The following PABIR3 variants were observed in gnomAD, a reference collection of about 807,000 sequenced individuals.
PABIR3 encodes the protein PABIR family member 3, also known as PABIR family member 1.
PABIR3 carries 20 observed loss-of-function variants against 23.1 expected under a neutral mutation model. That is an observed-to-expected ratio of 0.86 (90% CI 0.61 to 1.26). The LOEUF is 1.26. Among genes scored for constraint, PABIR3 ranks in the 50% most tolerant of loss-of-function variants. The pLI is 0.00. For missense variants in PABIR3, 189 were observed against 195.4 expected (o/e 0.97, Z 0.20); for synonymous variants, 69 against 68.5 (o/e 1.01, Z -0.04).
At chrX:134,858,297 G>A (rs1171863079), downstream of PABIR3, among the ~76,000 whole-genome samples, 4 of 111,656 alleles carry the variant, frequency 3.6e-5, no homozygotes, top group Admixed American at 2.9e-4. Context: ...AAGGGGGGAC[G>A]AGTGTAGAGT....
upstream of PABIR3, among the ~76,000 whole-genome samples, chrX:134,803,225 G>A (rs2080110607): frequency 8.9e-6 from 1 of 111,986 alleles, no homozygotes; most frequent in South Asian, 3.7e-4. Flanking sequence ...GAGCTGGAGG[G>A]GGCTGCATGT....
intron 4 of PABIR3, among the ~76,000 whole-genome samples, chrX:134,838,217 T>A (rs1206800991): frequency 8.9e-6 from 1 of 112,227 alleles, no homozygotes; most frequent in East Asian, 2.8e-4. Flanking sequence ...CACTGCTGCT[T>A]CCTTCTTCTG....
At chrX:134,851,311 G>A (rs912860478) in intron 9 of PABIR3, among the ~76,000 whole-genome samples, 13 of 110,982 alleles carry the variant, frequency 1.2e-4, no homozygotes, top group Admixed American at 7.7e-4. Flanking sequence ...CGAGGCGGGC[G>A]GATGACTTGA....
intron 3 of PABIR3, among the ~76,000 whole-genome samples, chrX:134,820,320 T>C (rs1334569462): frequency 8.9e-6 from 1 of 112,194 alleles, no homozygotes; most frequent in Non-Finnish European, 1.9e-5. Context: ...GATATTATAT[T>C]ACAAAATAGA....
chrX:134,854,404 C>A lies in PABIR3; in HGVS notation c.*187C>A. ...ATCTACAGAACTTGCGTGTATAATT[C>A]TTGTGTACATCCTTAAATTTAATGT... On this transcript the variant is annotated 3_prime_UTR_variant, in exon 11 of 11. Coordinates refer to ENST00000645433, the MANE Select transcript of PABIR3 (RefSeq NM_001388447.1). 1 of 390,877 alleles carries A rather than the reference C, an allele frequency of 2.6e-6. No homozygotes were observed. Among genetic ancestry groups the A allele is most frequent in the Non-Finnish European group, 4.0e-6 (1 of 247,305 alleles). The allele number at this position is 390,877 out of a possible 1,213,427, so 32.2% of individuals were successfully genotyped here.
At chrX:134,832,004 G>A (rs538786823) in intron 4 of PABIR3, among the ~76,000 whole-genome samples, 5 of 111,434 alleles carry the variant, frequency 4.5e-5, no homozygotes, top group African/African-American at 1.3e-4. Flanking sequence ...GAGGCTGGGC[G>A]CAGTGGCTCA....
chrX:134,807,828 C>T, intron 2 of PABIR3, 120 bp downstream of exon 2: 1 of 783,169 alleles, frequency 1.3e-6, no homozygotes, highest in South Asian at 3.5e-5. Context: ...CTCCCTTGTT[C>T]CTGGTGTCCG....
chrX:134,830,761 T>C (rs963829831), intron 4 of PABIR3, among the ~76,000 whole-genome samples: 4 of 111,814 alleles, frequency 3.6e-5, no homozygotes, highest in African/African-American at 1.3e-4. Context: ...CTGTGCAATA[T>C]GTTTCTTTGC....
At position 134,846,081 on chromosome X, in the gene PABIR3, C is replaced by G. The variant is rs768967546; in HGVS notation, c.345+680C>G. Among the ~76,000 whole-genome samples, 3 of 111,770 alleles carry G rather than the reference C, an allele frequency of 2.7e-5. No homozygotes were observed. In the Admixed American group the frequency reaches 2.9e-4, roughly 11 times the overall value. On this transcript the variant is annotated intron_variant, in intron 6 of 10. Coordinates refer to ENST00000645433, the MANE Select transcript of PABIR3 (RefSeq NM_001388447.1). ...CACAGTTCTGCATGGCTGGGGAGGC[C>G]TCAGGAAACTTACGATTATGGCAGA...
chrX:134,829,577 C>T (rs980096034), intron 4 of PABIR3, among the ~76,000 whole-genome samples: 4 of 111,690 alleles, frequency 3.6e-5, no homozygotes, highest in Non-Finnish European at 7.5e-5. Context: ...AATTAATTTT[C>T]AGCTTCATAA....
chrX:134,852,251 G>C (rs1000290999), intron 9 of PABIR3, among the ~76,000 whole-genome samples: 12 of 111,663 alleles, frequency 1.1e-4, no homozygotes, highest in African/African-American at 3.9e-4. Flanking sequence ...AAGGTGGGTG[G>C]ATCACCTGAG....
chrX:134,851,724 A>C (rs1280900729), intron 9 of PABIR3, among the ~76,000 whole-genome samples: 1 of 111,868 alleles, frequency 8.9e-6, no homozygotes, highest in African/African-American at 3.2e-5. Flanking sequence ...AAGAGAGCTG[A>C]GTAGTTTTTC....
At position 134,807,533 on chromosome X, in the gene PABIR3, T is replaced by C; in HGVS notation, c.-59-7T>C. The C allele has an allele frequency of 8.3e-7, 1 of 1,198,671 alleles. No homozygotes were observed. Among genetic ancestry groups the C allele is most frequent in the Admixed American group, 2.2e-5 (1 of 45,019 alleles). On this transcript the variant is annotated splice_region_variant and splice_polypyrimidine_tract_variant and intron_variant, in intron 1 of 10. Coordinates refer to ENST00000645433, the MANE Select transcript of PABIR3 (RefSeq NM_001388447.1). Reference sequence around the variant, plus strand: ...CTCTCTCCTTACATCACCTGCCCACTAAGTAGACTTGTCCTTGTGTGGACG... The same window carrying C: ...CTCTCTCCTTACATCACCTGCCCACCAAGTAGACTTGTCCTTGTGTGGACG...
downstream of PABIR3, among the ~76,000 whole-genome samples, chrX:134,858,740 T>A (rs2082760254): frequency 9.0e-6 from 1 of 111,619 alleles, no homozygotes; most frequent in African/African-American, 3.3e-5. Flanking sequence ...TTCCGTAATG[T>A]CTCGCAGATT....
intron 4 of PABIR3, chrX:134,835,531 G>A (rs1311511371): frequency 8.9e-6 from 1 of 112,115 alleles, no homozygotes; most frequent in African/African-American, 3.2e-5. Context: ...AACTGTTGTT[G>A]TTAGCTGTTT....
downstream of PABIR3, among the ~76,000 whole-genome samples, chrX:134,858,688 C>A (rs1032560657): frequency 2.7e-5 from 3 of 111,707 alleles, no homozygotes; most frequent in African/African-American, 6.5e-5. Flanking sequence ...GGTCAGGGAA[C>A]CATAAGTACC....
At chrX:134,814,740 A>T (rs1481934173) in intron 2 of PABIR3, 31 bp from the exon 3 acceptor site, 4 of 966,755 alleles carry the variant, frequency 4.1e-6, no homozygotes, top group Non-Finnish European at 2.9e-6. Flanking sequence ...AATGGATTTT[A>T]TATAACACAT....
chrX:134,848,216 C>T (rs1234064584), intron 8 of PABIR3, among the ~76,000 whole-genome samples: 3 of 110,045 alleles, frequency 2.7e-5, no homozygotes, highest in African/African-American at 9.9e-5. Flanking sequence ...CATGGAGAAA[C>T]CCCGTCTCTA....
chrX:134,817,565 G>A (rs1299087461), intron 3 of PABIR3, among the ~76,000 whole-genome samples: 1 of 107,227 alleles, frequency 9.3e-6, no homozygotes, highest in Non-Finnish European at 1.9e-5. Flanking sequence ...TTGGGATATT[G>A]GTGGCAGGGG....
Sources: gnomAD v4.1 joint callset for allele counts (sites outside exome capture counted in the v4.1 genomes callset) on GRCh38, gnomAD v4.1.1 for gene constraint, MANE v1.5 for transcripts, NCBI Gene and HGNC (gene_info 2026-07-23, HGNC 2026-07-21) for gene names.